ULK4: variants seen among roughly 807,000 people sequenced by gnomAD.
The protein encoded by ULK4 is inactive serine/threonine-protein kinase ULK4.
A neutral mutation model predicts 160.6 loss-of-function variants in ULK4; 133 were observed. That is an observed-to-expected ratio of 0.83 (90% CI 0.72 to 0.96). ULK4 has a LOEUF of 0.96. Among genes scored for constraint, ULK4 ranks in the 40% least tolerant of loss-of-function variants. ULK4 has a pLI of 0.00. For missense variants in ULK4, 1,580 were observed against 1,499.5 expected (o/e 1.05, Z -0.89); for synonymous variants, 534 against 539.8 (o/e 0.99, Z 0.15).
chr3:41,560,858 T>G (rs1000424294), intron 32 of ULK4, among the ~76,000 whole-genome samples: 2 of 152,206 alleles, frequency 1.3e-5, no homozygotes, highest in African/African-American at 4.8e-5. Flanking sequence ...CCTTTATTTC[T>G]TTTTCTTGCC....
intron 30 of ULK4, among the ~76,000 whole-genome samples, chr3:41,626,978 T>C (rs1387709213): frequency 6.6e-6 from 1 of 152,174 alleles, no homozygotes; most frequent in East Asian, 1.9e-4. Flanking sequence ...TAGATATAAA[T>C]TACTAGCTGC....
intron 34 of ULK4, among the ~76,000 whole-genome samples, chr3:41,418,720 C>G (rs1187982621): frequency 6.6e-6 from 1 of 152,170 alleles, no homozygotes; most frequent in Non-Finnish European, 1.5e-5. Flanking sequence ...ACAGTATTCA[C>G]AGGAGAATGG....
intron 35 of ULK4, among the ~76,000 whole-genome samples, chr3:41,268,062 T>C (rs892187706): frequency 6.6e-6 from 1 of 152,150 alleles, no homozygotes; most frequent in Non-Finnish European, 1.5e-5. Context: ...GGAAACACTT[T>C]TGGTGGTCAC....
chr3:41,686,229 T>C (rs1322069742), intron 27 of ULK4, among the ~76,000 whole-genome samples: 2 of 152,000 alleles, frequency 1.3e-5, no homozygotes, highest in South Asian at 2.1e-4. Flanking sequence ...ACTGCCACTA[T>C]CAAAACTTAA....
intron 21 of ULK4, among the ~76,000 whole-genome samples, chr3:41,762,885 A>AT (rs977365334): frequency 6.6e-6 from 1 of 151,838 alleles, no homozygotes; most frequent in Non-Finnish European, 1.5e-5. Context: ...GGATTGTCTC[A>AT]ATCTCCTGAC....
At chr3:41,337,540 T>G (rs923622697) in intron 35 of ULK4, among the ~76,000 whole-genome samples, 1 of 151,978 alleles carries the variant, frequency 6.6e-6, no homozygotes, top group Non-Finnish European at 1.5e-5. Context: ...CAGACGTGCA[T>G]GCACACACAC....
intron 35 of ULK4, among the ~76,000 whole-genome samples, chr3:41,313,577 T>G (rs577276187): frequency 1.3e-5 from 2 of 152,342 alleles, no homozygotes; most frequent in Non-Finnish European, 2.9e-5. Context: ...ATTCTATTAT[T>G]CTTTTACAAG....
At chr3:41,638,514 G>T (rs2034052073) in intron 30 of ULK4, among the ~76,000 whole-genome samples, 1 of 151,986 alleles carries the variant, frequency 6.6e-6, no homozygotes, top group Non-Finnish European at 1.5e-5. Flanking sequence ...CACCGCCTGG[G>T]TTTTTTTTCC....
intron 20 of ULK4, among the ~76,000 whole-genome samples, chr3:41,790,945 T>C (rs1221777854): frequency 6.6e-6 from 1 of 152,190 alleles, no homozygotes; most frequent in Non-Finnish European, 1.5e-5. Context: ...TAATATCATA[T>C]AAGCTCCTTC....
chr3:41,577,206 C>G (rs1050708878), intron 31 of ULK4, among the ~76,000 whole-genome samples: 2 of 152,102 alleles, frequency 1.3e-5, no homozygotes, highest in East Asian at 1.9e-4. Flanking sequence ...GAAAAAAAAC[C>G]GGGCCAAGCC....
At chr3:41,557,657 T>C (rs1329586724) in intron 32 of ULK4, among the ~76,000 whole-genome samples, 3 of 151,392 alleles carry the variant, frequency 2.0e-5, no homozygotes, top group African/African-American at 7.3e-5. Context: ...TCCTAGTTAC[T>C]TGGGAGGCTG....
intron 30 of ULK4, among the ~76,000 whole-genome samples, chr3:41,620,682 A>C (rs1156334991): frequency 6.6e-6 from 1 of 152,192 alleles, no homozygotes; most frequent in African/African-American, 2.4e-5. Context: ...AAAAGCTGGA[A>C]GCATTCCCTT....
rs114645221 is a variant in ULK4 at position 41,264,497 on chromosome 3, T to G, written c.3679-14923A>C. Among the ~76,000 whole-genome samples the G allele has an allele frequency of 4.4e-3, 664 of 152,328 alleles. 11 individuals carry two copies. The highest frequency in any genetic ancestry group is 0.015 in the African/African-American group (612 of 41,568). Reference sequence around the variant, plus strand: ...TGGGCATGCCACATAAGCCACGCATTTTAGACCCTCTCTTGTAGGGCTAAA... The same window carrying G: ...TGGGCATGCCACATAAGCCACGCATGTTAGACCCTCTCTTGTAGGGCTAAA... On this transcript the variant is annotated intron_variant, in intron 35 of 36. Coordinates refer to ENST00000301831, the MANE Select transcript of ULK4 (RefSeq NM_017886.4).
intron 32 of ULK4, among the ~76,000 whole-genome samples, chr3:41,532,032 T>C (rs2086338246): frequency 6.6e-6 from 1 of 152,172 alleles, no homozygotes; most frequent in South Asian, 2.1e-4. Flanking sequence ...GTCTAATCTA[T>C]ACAAGTTAGC....
intron 32 of ULK4, among the ~76,000 whole-genome samples, chr3:41,562,999 A>T (rs1254622184): frequency 6.6e-6 from 1 of 152,172 alleles, no homozygotes; most frequent in Non-Finnish European, 1.5e-5. Context: ...TGGCTGCTAC[A>T]GGTTGTTCCT....
intron 34 of ULK4, among the ~76,000 whole-genome samples, chr3:41,406,906 A>G (rs1240362854): frequency 6.6e-6 from 1 of 152,230 alleles, no homozygotes; most frequent in African/African-American, 2.4e-5. Flanking sequence ...ATGGGACACA[A>G]ATAGGGTGAG....
intron 33 of ULK4, 88 bp from the exon 34 acceptor site, chr3:41,455,683 C>G: frequency 8.5e-7 from 1 of 1,173,048 alleles, no homozygotes; most frequent in South Asian, 1.3e-5. Flanking sequence ...CGGGCAGACA[C>G]AAGGGGCTGA....
chr3:41,600,832 T>C (rs2032015544), intron 31 of ULK4, among the ~76,000 whole-genome samples: 2 of 152,176 alleles, frequency 1.3e-5, no homozygotes, highest in Non-Finnish European at 2.9e-5. Flanking sequence ...TTAGCAATGA[T>C]TGCCACAAGT....
At chr3:41,703,615 A>G (rs2036757733) in intron 27 of ULK4, among the ~76,000 whole-genome samples, 1 of 152,134 alleles carries the variant, frequency 6.6e-6, no homozygotes, top group African/African-American at 2.4e-5. Context: ...AATACAAAAT[A>G]GACCCAAAGA....
Sources: gnomAD v4.1 joint callset for allele counts (sites outside exome capture counted in the v4.1 genomes callset) on GRCh38, gnomAD v4.1.1 for gene constraint, MANE v1.5 for transcripts, NCBI Gene and HGNC (gene_info 2026-07-23, HGNC 2026-07-21) for gene names.